The following COL25A1 variants were observed in gnomAD, a reference collection of about 807,000 sequenced individuals.
COL25A1 encodes collagen alpha-1(XXV) chain.
Under a neutral mutation model 128.4 loss-of-function variants are expected in COL25A1, and 103 were observed. That is an observed-to-expected ratio of 0.80 (90% CI 0.68 to 0.94). COL25A1 has a LOEUF of 0.94. Among genes scored for constraint, COL25A1 ranks in the 40% least tolerant of loss-of-function variants. The pLI, the probability that COL25A1 is intolerant of heterozygous loss-of-function variation, is 0.00. For missense variants in COL25A1, 745 were observed against 840.0 expected (o/e 0.89, Z 1.40); for synonymous variants, 279 against 277.2 (o/e 1.01, Z -0.06).
chr4:109,142,784 T>C (rs1163947533), intron 3 of COL25A1, among the ~76,000 whole-genome samples: 1 of 152,162 alleles, frequency 6.6e-6, no homozygotes, highest in African/African-American at 2.4e-5. Flanking sequence ...CATCCCTTTA[T>C]TTTGAGCCTA....
intron 3 of COL25A1, among the ~76,000 whole-genome samples, chr4:109,127,618 G>A (rs375681095): frequency 3.4e-4 from 52 of 151,944 alleles, no homozygotes; most frequent in African/African-American, 9.2e-4. Context: ...GTGAGCCACC[G>A]CGCCTGGCCA....
At chr4:109,066,271 T>C (rs3113688) in intron 3 of COL25A1, among the ~76,000 whole-genome samples, 149,084 of 152,266 alleles carry the variant, frequency 0.98, 73,009 homozygotes, top group East Asian at 1. Flanking sequence ...TGCCTCTTTT[T>C]CTAATACCTG....
intron 3 of COL25A1, among the ~76,000 whole-genome samples, chr4:109,108,626 A>T (rs1405702169): frequency 6.6e-6 from 1 of 152,144 alleles, no homozygotes; most frequent in Admixed American, 6.5e-5. Flanking sequence ...ACGATGGTTG[A>T]ACTAGTTTAC....
intron 3 of COL25A1, among the ~76,000 whole-genome samples, chr4:109,102,464 CTCTTCTGTTGTT>C (rs1765988192): frequency 6.6e-6 from 1 of 152,038 alleles, no homozygotes; most frequent in African/African-American, 2.4e-5. Flanking sequence ...CTTAAACAGA[CTCTTCTGTTGTT>C]AGGTGGAATG....
At chr4:109,106,324 C>T (rs1004721861) in intron 3 of COL25A1, among the ~76,000 whole-genome samples, 19 of 152,156 alleles carry the variant, frequency 1.2e-4, no homozygotes, top group African/African-American at 4.6e-4. Context: ...TGTCAACTTT[C>T]CCACCAACTA....
intron 3 of COL25A1, among the ~76,000 whole-genome samples, chr4:109,167,323 G>T (rs17040036): frequency 6.6e-6 from 1 of 152,252 alleles, no homozygotes; most frequent in Non-Finnish European, 1.5e-5. Context: ...CATCAAGAGT[G>T]AAGCCAAGTT....
At chr4:109,202,667 T>C (rs1776648283) in intron 3 of COL25A1, among the ~76,000 whole-genome samples, 1 of 152,090 alleles carries the variant, frequency 6.6e-6, no homozygotes. Flanking sequence ...CAAAAGACAC[T>C]GTTAAGAGAA....
chr4:109,115,701 T>C (rs1385906207), intron 3 of COL25A1, among the ~76,000 whole-genome samples: 2 of 152,002 alleles, frequency 1.3e-5, no homozygotes, highest in Admixed American at 6.6e-5. Context: ...ACTTTTCTAA[T>C]ACCCCCTTCT....
chr4:108,841,544 TATGAGATTTA>T (rs1259208778), intron 31 of COL25A1, 141 bp downstream of exon 31: 1 of 617,640 alleles, frequency 1.6e-6, no homozygotes, highest in African/African-American at 1.9e-5. Flanking sequence ...CATTTTGTGT[TATGAGATTTA>T]AACATATGGA....
At chr4:109,060,098 T>C (rs1425352) in intron 3 of COL25A1, among the ~76,000 whole-genome samples, 115,691 of 152,122 alleles carry the variant, frequency 0.76, 44,619 homozygotes, top group Non-Finnish European at 0.82. Flanking sequence ...TTTTCATCTT[T>C]AAATAAAGGG....
intron 23 of COL25A1, 67 bp downstream of exon 23, chr4:108,860,860 T>C: frequency 7.8e-7 from 1 of 1,281,428 alleles, no homozygotes; most frequent in Non-Finnish European, 1.1e-6. Flanking sequence ...TGAATAGCCA[T>C]GCAGACATGA....
intron 13 of COL25A1, among the ~76,000 whole-genome samples, chr4:108,912,032 A>T (rs1300427152): frequency 6.6e-6 from 1 of 152,128 alleles, no homozygotes; most frequent in Non-Finnish European, 1.5e-5. Flanking sequence ...GCAGGAAAAA[A>T]CTTCCTTCAA....
intron 3 of COL25A1, among the ~76,000 whole-genome samples, chr4:109,162,262 C>T (rs2126119393): frequency 6.6e-6 from 1 of 152,236 alleles, no homozygotes; most frequent in South Asian, 2.1e-4. Flanking sequence ...ATTTTTGGTA[C>T]ATGCAAAGGC....
chr4:108,842,582 T>C (rs1464913471), intron 30 of COL25A1, among the ~76,000 whole-genome samples: 2 of 152,206 alleles, frequency 1.3e-5, no homozygotes, highest in Admixed American at 1.3e-4. Flanking sequence ...GCAATGCCTA[T>C]ATATTTGTTA....
At chr4:109,218,453 C>T (rs1778208762) in intron 3 of COL25A1, among the ~76,000 whole-genome samples, 2 of 142,292 alleles carry the variant, frequency 1.4e-5, no homozygotes, top group South Asian at 4.7e-4. Flanking sequence ...AAACTCTATC[C>T]AAACCCAGGA....
At chr4:109,182,265 C>A (rs898366260) in intron 3 of COL25A1, among the ~76,000 whole-genome samples, 1 of 152,062 alleles carries the variant, frequency 6.6e-6, no homozygotes, top group Admixed American at 6.6e-5. Flanking sequence ...TTTTGAGGAA[C>A]CTCCACACTG....
At chr4:109,256,392 G>A (rs1781089797) in intron 3 of COL25A1, among the ~76,000 whole-genome samples, 2 of 152,066 alleles carry the variant, frequency 1.3e-5, no homozygotes, top group South Asian at 4.1e-4. Flanking sequence ...TCCTTCAGCA[G>A]AATGAAAGTG....
chr4:109,176,588 G>A (rs192531456), intron 3 of COL25A1, among the ~76,000 whole-genome samples: 2 of 152,204 alleles, frequency 1.3e-5, no homozygotes, highest in East Asian at 1.9e-4. Flanking sequence ...ACCTAAGGGT[G>A]GTATATTGGG....
intron 6 of COL25A1, among the ~76,000 whole-genome samples, chr4:109,009,698 A>C (rs1351871469): frequency 1.3e-5 from 2 of 152,304 alleles, no homozygotes; most frequent in Non-Finnish European, 2.9e-5. Flanking sequence ...ATAGAATCCT[A>C]GGGATTATAA....
Sources: allele counts gnomAD v4.1 joint callset (sites outside exome capture counted in the v4.1 genomes callset), GRCh38; gene constraint gnomAD v4.1.1; transcripts MANE v1.5; gene names NCBI Gene and HGNC (gene_info 2026-07-23, HGNC 2026-07-21).